SIDT1: variants seen among roughly 807,000 people sequenced by gnomAD.
SIDT1 encodes SID1 transmembrane family member 1.
A neutral mutation model predicts 107.5 loss-of-function variants in SIDT1; 101 were observed. The ratio of observed to expected loss-of-function variants is 0.94; its 90% CI spans 0.80 to 1.11. The LOEUF (loss-of-function observed/expected upper bound fraction) is 1.11, where lower values mean the gene tolerates loss of function less well. Ranked by LOEUF, SIDT1 falls within the 50% of genes least tolerant of loss-of-function variation. The pLI, the probability that SIDT1 is intolerant of heterozygous loss-of-function variation, is 0.00. For missense variants in SIDT1, 1,076 were observed against 1,058.2 expected (o/e 1.02, Z -0.23); for synonymous variants, 395 against 398.2 (o/e 0.99, Z 0.10).
At position 113,574,259 on chromosome 3, in the gene SIDT1, C is replaced by A. The variant is rs1576815653; in HGVS notation, c.516-2663C>A. 2.0e-5 allele frequency among the ~76,000 whole-genome samples: 3 copies of A among 152,104 alleles called. No individual in the cohort carries two copies. In the South Asian group the frequency reaches 6.2e-4, roughly 32 times the overall value. On this transcript the variant is annotated intron_variant, in intron 3 of 24. Coordinates refer to ENST00000264852, the MANE Select transcript of SIDT1 (RefSeq NM_017699.3). ...ATGAGTGCGGAGTTTATACTTAGAC[C>A]AGAGGAATGAAGGGCAGACAGTTCC... is the stretch of plus-strand genomic sequence containing the variant.
intron 21 of SIDT1, among the ~76,000 whole-genome samples, chr3:113,622,593 C>T (rs1237417585): frequency 2.0e-5 from 3 of 150,260 alleles, no homozygotes; most frequent in Non-Finnish European, 4.4e-5. Flanking sequence ...CCAAAATTAA[C>T]TTTAGCATTA....
At position 113,601,630 on chromosome 3, in the gene SIDT1, C is replaced by T. The variant is rs33990195; in HGVS notation, c.1088C>T (p.Thr363Ile). The part of the protein sequence containing the change: ...MVASHPIAAS[T>I]PEGSNYGTID... ...GCATCTCATCCCATTGCTGCCAGCA[C>T]ACCCGAAGGGAGCAATTATGGGACA... is the stretch of plus-strand genomic sequence containing the variant. Residue 363 changes from threonine to isoleucine, a missense_variant, in exon 11 of 25, where the codon ACA becomes ATA. Transcript: ENST00000264852. 132,484 of 1,612,564 alleles carry T rather than the reference C, an allele frequency of 0.082. 6,308 individuals carry two copies. Among genetic ancestry groups the T allele is most frequent in the Middle Eastern group, 0.19 (1,155 of 6,054 alleles).
At chr3:113,585,933 C>G (rs1396645105) in intron 9 of SIDT1, among the ~76,000 whole-genome samples, 1 of 152,136 alleles carries the variant, frequency 6.6e-6, no homozygotes, top group African/African-American at 2.4e-5. Flanking sequence ...TTCTTTGTGG[C>G]ATTCTCTGTG....
rs1010780636 is a variant in SIDT1 at position 113,581,218 on chromosome 3, AG to A, written c.664-137del. ...AGGAAGACTATGTCATGACTGTTCA[AG>A]GGGGGAAATTGCCTAGTTTCTGGTT... On this transcript the variant is annotated intron_variant, in intron 5 of 24. Coordinates refer to ENST00000264852, the MANE Select transcript of SIDT1 (RefSeq NM_017699.3). 6 of 677,802 alleles carry A rather than the reference AG, an allele frequency of 8.9e-6. No homozygotes were observed. In the Admixed American group the frequency reaches 1.3e-4, roughly 15 times the overall value. The allele number at this position is 677,802 out of a possible 1,614,324, so 42.0% of individuals were successfully genotyped here.
chr3:113,603,628 C>G (rs943304495), intron 12 of SIDT1, among the ~76,000 whole-genome samples: 4 of 152,186 alleles, frequency 2.6e-5, no homozygotes, highest in South Asian at 4.1e-4. Flanking sequence ...GTGGACAGCT[C>G]TGAAAGCTGG....
At chr3:113,550,615 T>C (rs1010249700) in intron 1 of SIDT1, among the ~76,000 whole-genome samples, 2 of 152,234 alleles carry the variant, frequency 1.3e-5, no homozygotes, top group Non-Finnish European at 1.5e-5. Context: ...AGACTTTTTT[T>C]CTGGGTTTTT....
At chr3:113,627,080 C>T (rs953576803) in intron 24 of SIDT1, among the ~76,000 whole-genome samples, 2 of 152,182 alleles carry the variant, frequency 1.3e-5, no homozygotes, top group African/African-American at 4.8e-5. Flanking sequence ...AAAGATTCCA[C>T]GTGGGGCAGT....
chr3:113,537,370 G>C (rs983532810), intron 1 of SIDT1, among the ~76,000 whole-genome samples: 1 of 152,154 alleles, frequency 6.6e-6, no homozygotes, highest in Non-Finnish European at 1.5e-5. Flanking sequence ...AGCCTACCCA[G>C]TCCTTAAGAA....
intron 20 of SIDT1, among the ~76,000 whole-genome samples, chr3:113,618,699 A>T (rs1359871334): frequency 6.6e-6 from 1 of 152,222 alleles, no homozygotes; most frequent in Non-Finnish European, 1.5e-5. Context: ...CTACTTTTAA[A>T]TAGTAGATAA....
Position 113,567,685 on chromosome 3 carries a change from A to T in SIDT1, c.490A>T (p.Thr164Ser). ...PLGAQYKLLV[T>S]KLKHFQLRTN... ...GGGTGCTCAGTACAAACTGCTAGTT[A>T]CCAAGCTGAAGCACTTCCAGCTCCG... The change falls in exon 3 of 25, where the codon ACC (threonine) becomes TCC (serine). Residue 164 changes from threonine to serine, a missense_variant. Coordinates refer to ENST00000264852, the MANE Select transcript of SIDT1 (RefSeq NM_017699.3). 3.1e-6 allele frequency: 5 copies of T among 1,613,960 alleles called. No homozygotes were observed. Among genetic ancestry groups the T allele is most frequent in the African/African-American group, 1.3e-5 (1 of 75,046 alleles).
chr3:113,632,969 C>T (rs929729510), downstream of SIDT1: 1 of 151,992 alleles, frequency 6.6e-6, no homozygotes, highest in Admixed American at 6.6e-5. Context: ...GATAATCAGG[C>T]AAAAAGCTAC....
intron 3 of SIDT1, chr3:113,567,944 G>T (rs1426094594): frequency 2.3e-6 from 1 of 431,294 alleles, no homozygotes. Context: ...CTGTTTTCAG[G>T]GATCAGTGTG....
At chr3:113,597,047 T>C (rs1243414100) in intron 10 of SIDT1, among the ~76,000 whole-genome samples, 2 of 152,202 alleles carry the variant, frequency 1.3e-5, no homozygotes, top group Admixed American at 1.3e-4. Flanking sequence ...GTCCTAGATC[T>C]CTACTCTTCT....
chr3:113,612,472 T>C, intron 19 of SIDT1: 3 of 520,850 alleles, frequency 5.8e-6, no homozygotes, highest in Non-Finnish European at 1.1e-5. Context: ...TGCAAACACT[T>C]TACAGTCTGC....
chr3:113,561,428 A>G (rs2107723516), intron 1 of SIDT1, among the ~76,000 whole-genome samples: 1 of 152,368 alleles, frequency 6.6e-6, no homozygotes, highest in Non-Finnish European at 1.5e-5. Context: ...AAGCCAGGCC[A>G]GGAATAAAAT....
At chr3:113,574,677 C>T (rs1942761117) in intron 3 of SIDT1, among the ~76,000 whole-genome samples, 1 of 152,018 alleles carries the variant, frequency 6.6e-6, no homozygotes, top group African/African-American at 2.4e-5. Context: ...TCTCCTGACT[C>T]CCCTATCTGC....
chr3:113,636,206 C>A, the SIDT1 span, among the ~76,000 whole-genome samples: 3 of 151,868 alleles, frequency 2.0e-5, no homozygotes, highest in East Asian at 1.9e-4. Flanking sequence ...GGAGTTTGAG[C>A]CCAGCCTGGC....
chr3:113,555,316 G>A (rs1046187045), intron 1 of SIDT1, among the ~76,000 whole-genome samples: 2 of 152,142 alleles, frequency 1.3e-5, no homozygotes, highest in Non-Finnish European at 2.9e-5. Flanking sequence ...ATAATGGCTT[G>A]CTCATTGGCA....
Position 113,603,847 on chromosome 3 carries a change from G to A in SIDT1, c.1264-113G>A. 3 of 698,048 alleles carry A rather than the reference G, an allele frequency of 4.3e-6. No individual in the cohort carries two copies. The South Asian group carries it at 5.4e-5, about 13-fold the overall frequency. The allele number at this position is 698,048 out of a possible 1,614,324, so 43.2% of individuals were successfully genotyped here. A position where few individuals can be genotyped will look rare whatever the true frequency, so the allele number is the denominator to read the frequency against. ...GTAAATTTGAATAATTGTATCGCTT[G>A]AATAATTTTAACAATTTTAATTTAA... On this transcript the variant is annotated intron_variant, in intron 12 of 24. Coordinates refer to ENST00000264852, the MANE Select transcript of SIDT1 (RefSeq NM_017699.3).
Sources: allele counts gnomAD v4.1 joint callset (sites outside exome capture counted in the v4.1 genomes callset), GRCh38; gene constraint gnomAD v4.1.1; transcripts MANE v1.5; gene names NCBI Gene and HGNC (gene_info 2026-07-23, HGNC 2026-07-21).